TSNAX: variants seen among roughly 807,000 people sequenced by gnomAD.
The protein encoded by TSNAX is translin associated factor X.
Under a neutral mutation model 33.0 loss-of-function variants are expected in TSNAX, and 12 were observed. That is an observed-to-expected ratio of 0.36 (90% CI 0.23 to 0.59). The LOEUF is 0.59. TSNAX is among the 20% of genes least tolerant of loss of function. The probability of loss-of-function intolerance (pLI) is 0.74; values close to 1 mark genes in which losing one functional copy is unlikely to be tolerated. For missense variants in TSNAX, 267 were observed against 341.3 expected (o/e 0.78, Z 1.72); for synonymous variants, 110 against 117.2 (o/e 0.94, Z 0.40).
intron 4 of TSNAX, among the ~76,000 whole-genome samples, chr1:231,544,578 A>C (rs1381978642): frequency 6.6e-6 from 1 of 152,240 alleles, no homozygotes; most frequent in East Asian, 1.9e-4. Flanking sequence ...GACAACATCA[A>C]GTTCCCCAAA....
At position 231,528,679 on chromosome 1, in the gene TSNAX, C is replaced by G; in HGVS notation, c.-132C>G. ...CGTGAGAGGAGACTTCCGGCCACTGCGTTGTAGTCGGCCCGGCTGCAAAGC... is the reference window on the plus strand; with the variant it reads ...CGTGAGAGGAGACTTCCGGCCACTGGGTTGTAGTCGGCCCGGCTGCAAAGC... On this transcript the variant is annotated 5_prime_UTR_variant, in exon 1 of 6. Transcript: ENST00000366639. 1 of 1,009,784 alleles carries G rather than the reference C, an allele frequency of 9.9e-7. No homozygotes were observed. Among genetic ancestry groups the G allele is most frequent in the African/African-American group, 1.6e-5 (1 of 62,806 alleles). 62.6% of individuals were successfully genotyped at this position (1,009,784 alleles called of 1,614,324 possible). A position where few individuals can be genotyped will look rare whatever the true frequency, so the allele number is the denominator to read the frequency against.
Position 231,528,773 on chromosome 1 carries a change from C to G in TSNAX, c.-38C>G, listed in dbSNP as rs747682080. 2 of 1,613,932 alleles carry G rather than the reference C, an allele frequency of 1.2e-6. No homozygotes were observed. Among genetic ancestry groups the G allele is most frequent in the Admixed American group, 1.7e-5 (1 of 60,002 alleles). ...TCGCGCACTCCTCTTGCTCCAGGTC[C>G]TTCAGTCTCCGCTCGTCTCACCGTA... On this transcript the variant is annotated 5_prime_UTR_variant, in exon 1 of 6. Transcript: ENST00000366639.
At chr1:231,534,401 C>T (rs986364450) in intron 2 of TSNAX, 2 of 152,118 alleles carry the variant, frequency 1.3e-5, no homozygotes, top group Non-Finnish European at 2.9e-5. Context: ...AGACAAGAGA[C>T]TATTTTGTAG....
At chr1:231,555,209 T>C (rs1235727500) in intron 4 of TSNAX, among the ~76,000 whole-genome samples, 2 of 152,198 alleles carry the variant, frequency 1.3e-5, no homozygotes, top group African/African-American at 2.4e-5. Context: ...ATGCATACAA[T>C]AGAATATTAT....
At chr1:231,560,412 C>G (rs1287009494) in intron 4 of TSNAX, among the ~76,000 whole-genome samples, 5 of 97,224 alleles carry the variant, frequency 5.1e-5, no homozygotes, top group Non-Finnish European at 8.2e-5. Context: ...TTTCTCCCCC[C>G]CCCCCCTTTT....
At chr1:231,564,473 GTTCT>G in intron 5 of TSNAX, 51 bp from the exon 6 acceptor site, 2 of 1,555,538 alleles carry the variant, frequency 1.3e-6, no homozygotes, top group South Asian at 2.5e-5. Context: ...TTTTCACAGT[GTTCT>G]TTCTTGTGTG....
chr1:231,547,575 G>T (rs958800435), intron 4 of TSNAX, among the ~76,000 whole-genome samples: 23 of 151,304 alleles, frequency 1.5e-4, no homozygotes, highest in African/African-American at 5.6e-4. Flanking sequence ...ATTTTTAGTA[G>T]AGGTGGGGTT....
In TSNAX at chr1:231,565,989, G is replaced by A. The variant is rs1236438719; in HGVS notation, c.*1084G>A. On this transcript the variant is annotated 3_prime_UTR_variant, in exon 6 of 6. Coordinates refer to ENST00000366639, the MANE Select transcript of TSNAX (RefSeq NM_005999.3). ...TGTACATACAATGGAAATGCTTTTA[G>A]TAGTGATTATTTAGCAATTTTTGTT... The A allele has an allele frequency of 6.6e-6, 1 of 151,868 alleles. No homozygotes were observed. The highest frequency in any genetic ancestry group is 1.9e-4 in the East Asian group (1 of 5,194). 9.4% of individuals were successfully genotyped at this position (151,868 alleles called of 1,614,324 possible).
intron 2 of TSNAX, among the ~76,000 whole-genome samples, chr1:231,531,463 T>C (rs1340028190): frequency 6.6e-6 from 1 of 152,236 alleles, no homozygotes; most frequent in Non-Finnish European, 1.5e-5. Flanking sequence ...TGATTACATT[T>C]TATTTGTTTA....
chr1:231,532,135 C>CACACACACAT (rs1658773937), intron 2 of TSNAX, among the ~76,000 whole-genome samples: 1 of 51,082 alleles, frequency 2.0e-5, no homozygotes, highest in African/African-American at 7.3e-5. Flanking sequence ...GGTAATAACA[C>CACACACACAT]ACACACACAC....
At chr1:231,537,387 A>T in intron 3 of TSNAX, 60 bp downstream of exon 3, 1 of 1,152,246 alleles carries the variant, frequency 8.7e-7, no homozygotes, top group Non-Finnish European at 1.3e-6. Flanking sequence ...ATATTCTGTG[A>T]CTTTGTGAGG....
chr1:231,554,592 G>C (rs143773306), intron 4 of TSNAX: 1 of 152,182 alleles, frequency 6.6e-6, no homozygotes, highest in Non-Finnish European at 1.5e-5. Context: ...TGATTGGGGT[G>C]TATTAAAACA....
chr1:231,565,108 C>A lies in TSNAX; in HGVS notation c.*203C>A. 1 of 630,176 alleles carries A rather than the reference C, an allele frequency of 1.6e-6. No homozygotes were observed. Among genetic ancestry groups the A allele is most frequent in the Non-Finnish European group, 2.6e-6 (1 of 390,422 alleles). 39.0% of individuals were successfully genotyped at this position (630,176 alleles called of 1,614,324 possible). Reference sequence around the variant, plus strand: ...TATCTTATTCATGAAAGTTTGCATACAGATGTTTGCATATATGCCTTTTTG... The same window carrying A: ...TATCTTATTCATGAAAGTTTGCATAAAGATGTTTGCATATATGCCTTTTTG... On this transcript the variant is annotated 3_prime_UTR_variant, in exon 6 of 6. Coordinates refer to ENST00000366639, the MANE Select transcript of TSNAX (RefSeq NM_005999.3).
At chr1:231,532,193 G>GT (rs969859385) in intron 2 of TSNAX, among the ~76,000 whole-genome samples, 985 of 47,378 alleles carry the variant, frequency 0.021, 32 homozygotes, top group African/African-American at 0.048. Flanking sequence ...CACAGTTTTG[G>GT]TTTTTTTTTT....
At chr1:231,547,865 C>T (rs1572126639) in intron 4 of TSNAX, among the ~76,000 whole-genome samples, 1 of 102,924 alleles carries the variant, frequency 9.7e-6, no homozygotes, top group Admixed American at 1.2e-4. Flanking sequence ...TTTTTTGAGA[C>T]AGTCTCACTT....
Position 231,550,545 on chromosome 1 carries a change from G to A in TSNAX, c.367+7934G>A, listed in dbSNP as rs114907565. The stretch of plus-strand genomic sequence containing the variant: ...GCTTTATTTGAGGCATGGCCCCCTG[G>A]TGGAAAGAGAAGTGGCTGTCTCTGC... On this transcript the variant is annotated intron_variant, in intron 4 of 5. Transcript: ENST00000366639. Among the ~76,000 whole-genome samples, 8 of 152,304 alleles carry A rather than the reference G, an allele frequency of 5.3e-5. No individual in the cohort carries two copies. In the East Asian group the frequency reaches 1.5e-3, roughly 29 times the overall value.
At chr1:231,532,261 G>C (rs1270831080) in intron 2 of TSNAX, among the ~76,000 whole-genome samples, 1 of 140,188 alleles carries the variant, frequency 7.1e-6, no homozygotes, top group African/African-American at 2.7e-5. Context: ...GCGTGATCTT[G>C]GCTCACTGCA....
At chr1:231,564,135 C>T (rs887749311) in intron 5 of TSNAX, among the ~76,000 whole-genome samples, 8 of 152,114 alleles carry the variant, frequency 5.3e-5, no homozygotes, top group African/African-American at 1.7e-4. Flanking sequence ...CTTAGGAAAA[C>T]ATTAATGGAT....
chr1:231,535,786 A>G (rs909394685), intron 2 of TSNAX: 4 of 152,236 alleles, frequency 2.6e-5, no homozygotes, highest in Non-Finnish European at 5.9e-5. Context: ...CCTGAAGGCA[A>G]GACATGTTAG....
Sources: gnomAD v4.1 joint callset for allele counts (sites outside exome capture counted in the v4.1 genomes callset) on GRCh38, gnomAD v4.1.1 for gene constraint, MANE v1.5 for transcripts, NCBI Gene and HGNC (gene_info 2026-07-23, HGNC 2026-07-21) for gene names.